RASSF3: variants seen among roughly 807,000 people sequenced by gnomAD.
The protein encoded by RASSF3 is Ras association domain family member 3, also known as ras association domain-containing protein 3.
In RASSF3, 19 loss-of-function variants were observed where a neutral mutation model predicts 19.9. That is an observed-to-expected ratio of 0.96 (90% CI 0.67 to 1.40). The LOEUF is 1.40. Among genes scored for constraint, RASSF3 ranks in the 40% most tolerant of loss-of-function variants. The pLI, the probability that RASSF3 is intolerant of heterozygous loss-of-function variation, is 0.00. For missense variants in RASSF3, 306 were observed against 289.8 expected, an observed-to-expected ratio of 1.06 and a Z score of -0.41; for synonymous variants, 110 against 104.2, an observed-to-expected ratio of 1.06 and a Z score of -0.34.
intron 2 of RASSF3, among the ~76,000 whole-genome samples, chr12:64,588,784 G>A (rs1419756190): frequency 1.3e-5 from 2 of 151,942 alleles, no homozygotes; most frequent in African/African-American, 2.4e-5. Context: ...TAAATAATGA[G>A]CATTTCTCCG....
chr12:64,530,883 T>C (rs1868693663), upstream of RASSF3, among the ~76,000 whole-genome samples: 5 of 152,220 alleles, frequency 3.3e-5, no homozygotes, highest in South Asian at 1.0e-3. Flanking sequence ...GAAGTCTGTT[T>C]ATGTATTTTG....
At chr12:64,571,999 A>C (rs190579138) in intron 2 of RASSF3, among the ~76,000 whole-genome samples, 116 of 152,274 alleles carry the variant, frequency 7.6e-4, no homozygotes, top group African/African-American at 2.6e-3. Context: ...ATAGGTTATG[A>C]CGTTCATAAG....
At chr12:64,688,545 T>C (rs1873450803) in intron 3 of RASSF3, 92 bp downstream of exon 3, 5 of 885,178 alleles carry the variant, frequency 5.6e-6, no homozygotes, top group South Asian at 4.3e-5. Context: ...GTCTCATCCA[T>C]GTCAGTTGTG....
intron 2 of RASSF3, among the ~76,000 whole-genome samples, chr12:64,576,668 G>A (rs1312806441): frequency 4.0e-5 from 6 of 151,870 alleles, no homozygotes; most frequent in African/African-American, 1.5e-4. Flanking sequence ...CCTGGGCAAT[G>A]TGGAGAACTC....
chr12:64,572,744 G>A (rs1869540177), intron 2 of RASSF3, among the ~76,000 whole-genome samples: 1 of 152,182 alleles, frequency 6.6e-6, no homozygotes. Context: ...AATAGATGAA[G>A]AAACAGAGGT....
Position 64,580,649 on chromosome 12 carries a change from G to C in RASSF3, c.294+38944G>C, listed in dbSNP as rs149592994. ...ATAAATTTATTCTGTCATGATTCTG[G>C]AGTCTAGAAGCCCAAATCAAGGTGT... On this transcript the variant is annotated intron_variant, in intron 2 of 5. Coordinates refer to the RASSF3 transcript ENST00000637125. Among the ~76,000 whole-genome samples, 639 of 151,344 alleles carry C rather than the reference G, an allele frequency of 4.2e-3. 5 individuals carry two copies. Among genetic ancestry groups the C allele is most frequent in the African/African-American group, 0.015 (626 of 41,174 alleles).
chr12:64,564,840 G>T (rs1388364758), intron 2 of RASSF3, among the ~76,000 whole-genome samples: 1 of 151,580 alleles, frequency 6.6e-6, no homozygotes, highest in Non-Finnish European at 1.5e-5. Context: ...GAGTGCAATG[G>T]TGCAATCTCG....
At chr12:64,616,994 A>G (rs1337906166) in intron 1 of RASSF3, among the ~76,000 whole-genome samples, 2 of 152,190 alleles carry the variant, frequency 1.3e-5, no homozygotes, top group Non-Finnish European at 2.9e-5. Flanking sequence ...TATTTTGTTT[A>G]ATGAGGACAG....
At chr12:64,676,682 G>C (rs148160746) in intron 1 of RASSF3, among the ~76,000 whole-genome samples, 1 of 151,726 alleles carries the variant, frequency 6.6e-6, no homozygotes, top group East Asian at 1.9e-4. Context: ...TGTTGGCCAC[G>C]CTGGTCTCAA....
chr12:64,623,623 T>G (rs1870873495), intron 1 of RASSF3, among the ~76,000 whole-genome samples: 1 of 152,154 alleles, frequency 6.6e-6, no homozygotes, highest in Non-Finnish European at 1.5e-5. Flanking sequence ...GTACAGCCCT[T>G]TCAGATATTT....
At chr12:64,580,717 T>C (rs1023754824) in intron 2 of RASSF3, among the ~76,000 whole-genome samples, 4 of 152,124 alleles carry the variant, frequency 2.6e-5, no homozygotes, top group Admixed American at 1.3e-4. Context: ...TCCTTGACTC[T>C]TCACCTGCAA....
chr12:64,682,636 C>T (rs1028457381), intron 1 of RASSF3, among the ~76,000 whole-genome samples: 1 of 150,924 alleles, frequency 6.6e-6, no homozygotes, highest in Non-Finnish European at 1.5e-5. Flanking sequence ...GGTCTAAAGT[C>T]AAAGATCTTG....
At chr12:64,619,045 G>C (rs774372038) in intron 1 of RASSF3, among the ~76,000 whole-genome samples, 68 of 152,088 alleles carry the variant, frequency 4.5e-4, no homozygotes, top group Non-Finnish European at 8.8e-4. Flanking sequence ...TTTTTAGCAT[G>C]GCTATGGAAA....
At chr12:64,631,541 AT>A (rs1333608887) in intron 1 of RASSF3, among the ~76,000 whole-genome samples, 1 of 11,200 alleles carries the variant, frequency 8.9e-5, no homozygotes, top group African/African-American at 1.4e-4. Context: ...TATGTAATGT[AT>A]GTATGTATGT....
intron 2 of RASSF3, among the ~76,000 whole-genome samples, chr12:64,589,060 A>G (rs1451899742): frequency 6.6e-6 from 1 of 152,244 alleles, no homozygotes; most frequent in African/African-American, 2.4e-5. Flanking sequence ...AAAATAAAAC[A>G]AAGTATTCAA....
upstream of RASSF3, among the ~76,000 whole-genome samples, chr12:64,609,108 A>C (rs1171256535): frequency 6.6e-6 from 1 of 152,166 alleles, no homozygotes; most frequent in African/African-American, 2.4e-5. Context: ...AGGATGACTC[A>C]TGAGTCAATT....
At chr12:64,647,600 A>G (rs1185297084) in intron 1 of RASSF3, among the ~76,000 whole-genome samples, 3 of 151,928 alleles carry the variant, frequency 2.0e-5, no homozygotes, top group African/African-American at 7.3e-5. Flanking sequence ...TTTAGTAGAG[A>G]CGGGGTTTCA....
At chr12:64,589,764 A>C (rs1439939739) in intron 2 of RASSF3, among the ~76,000 whole-genome samples, 1 of 151,940 alleles carries the variant, frequency 6.6e-6, no homozygotes, top group Non-Finnish European at 1.5e-5. Context: ...GCACTTTGGG[A>C]GGCCAAGATG....
At chr12:64,661,004 TG>T (rs757340641) in intron 1 of RASSF3, among the ~76,000 whole-genome samples, 2 of 152,286 alleles carry the variant, frequency 1.3e-5, no homozygotes, top group East Asian at 3.9e-4. Flanking sequence ...CTTGTGAACG[TG>T]TGCTCTCAGG....
Sources: gnomAD v4.1 joint callset for allele counts (sites outside exome capture counted in the v4.1 genomes callset) on GRCh38, gnomAD v4.1.1 for gene constraint, MANE v1.5 for transcripts, NCBI Gene and HGNC (gene_info 2026-07-23, HGNC 2026-07-21) for gene names.